LIN28A: variants seen among roughly 807,000 people sequenced by gnomAD.
LIN28A encodes protein lin-28 homolog A.
A neutral mutation model predicts 21.1 loss-of-function variants in LIN28A; 11 were observed. The observed-to-expected ratio is 0.52, with a 90% confidence interval of 0.33 to 0.86. LIN28A has a LOEUF of 0.86. LIN28A is among the 40% of genes least tolerant of loss of function. The pLI is 0.03. For synonymous variants in LIN28A, 111 were observed against 108.7 expected (o/e 1.02, Z -0.13); for missense variants, 219 against 279.8 (o/e 0.78, Z 1.55).
At chr1:26,412,068 C>T (rs1211599838) in intron 2 of LIN28A, among the ~76,000 whole-genome samples, 1 of 152,240 alleles carries the variant, frequency 6.6e-6, no homozygotes, top group Non-Finnish European at 1.5e-5. Context: ...AGCCTCATCC[C>T]CTTTTTAATG....
At chr1:26,414,688 G>A (rs1224064617) in intron 2 of LIN28A, among the ~76,000 whole-genome samples, 2 of 152,154 alleles carry the variant, frequency 1.3e-5, no homozygotes, top group Non-Finnish European at 2.9e-5. Context: ...AGAGTTTCTC[G>A]ACTTCAGCAC....
chr1:26,414,315 A>C (rs2074980932), intron 2 of LIN28A, among the ~76,000 whole-genome samples: 1 of 151,614 alleles, frequency 6.6e-6, no homozygotes, highest in Admixed American at 6.6e-5. Flanking sequence ...GCTGGTGAGA[A>C]GGTAATTGTC....
In LIN28A at chr1:26,427,628, A is replaced by C. The variant is rs1244860963; in HGVS notation, c.*1170A>C. ...AATCCTATGGCACAGGACGTGCTTT[A>C]CATCTCCAGATCTGTTCTTCACCAG... On this transcript the variant is annotated 3_prime_UTR_variant, in exon 4 of 4. Transcript: ENST00000326279. The C allele has an allele frequency of 6.6e-6, 1 of 152,266 alleles. No individual in the cohort carries two copies. The highest frequency in any genetic ancestry group is 1.5e-5 in the Non-Finnish European group (1 of 68,076). 9.4% of individuals were successfully genotyped at this position (152,266 alleles called of 1,614,324 possible). A position where few individuals can be genotyped will look rare whatever the true frequency, so the allele number is the denominator to read the frequency against.
chr1:26,415,723 G>C (rs887524151), intron 2 of LIN28A, among the ~76,000 whole-genome samples: 1 of 148,806 alleles, frequency 6.7e-6, no homozygotes, highest in African/African-American at 2.5e-5. Context: ...GCACAACATA[G>C]CACTATGAAA....
At chr1:26,425,638 A>G (rs35015532) in intron 3 of LIN28A, 151 bp downstream of exon 3, 160,656 of 676,620 alleles carry the variant, frequency 0.24, 21,324 homozygotes, top group Admixed American at 0.38. Flanking sequence ...AGGTGTGGGC[A>G]AGGGCAGTAG....
At chr1:26,422,187 T>A (rs988253512) in intron 2 of LIN28A, among the ~76,000 whole-genome samples, 3 of 151,940 alleles carry the variant, frequency 2.0e-5, no homozygotes, top group Non-Finnish European at 4.4e-5. Flanking sequence ...TTTTGTATTA[T>A]TTTGTAGAGA....
intron 3 of LIN28A, 142 bp downstream of exon 3, chr1:26,425,629 G>C (rs1388905268): frequency 2.7e-6 from 2 of 741,788 alleles, no homozygotes; most frequent in Admixed American, 2.9e-5. Flanking sequence ...GCCTGCAATA[G>C]GTGTGGGCAA....
Position 26,411,256 on chromosome 1 carries a change from T to C in LIN28A, c.32-130T>C, listed in dbSNP as rs996150176. 3 of 911,146 alleles carry C rather than the reference T, an allele frequency of 3.3e-6. No individual in the cohort carries two copies. In the African/African-American group the frequency reaches 5.1e-5, roughly 15 times the overall value. The allele number at this position is 911,146 out of a possible 1,614,324, so 56.4% of individuals were successfully genotyped here. A position where few individuals can be genotyped will look rare whatever the true frequency, so the allele number is the denominator to read the frequency against. On this transcript the variant is annotated intron_variant, in intron 1 of 3. Coordinates refer to ENST00000326279, the MANE Select transcript of LIN28A (RefSeq NM_024674.6). The surrounding 1 kb of genome is among the most constrained non-coding windows in gnomAD (Gnocchi z 5.4). Reference sequence around the variant, plus strand: ...ACCGGGATAGGTTTCTTCTCTTCTGTTGCTTGGTAGCTGCCCCCTCCTGGC... The same window carrying C: ...ACCGGGATAGGTTTCTTCTCTTCTGCTGCTTGGTAGCTGCCCCCTCCTGGC...
At chr1:26,414,046 C>A (rs1036523331) in intron 2 of LIN28A, among the ~76,000 whole-genome samples, 2 of 152,002 alleles carry the variant, frequency 1.3e-5, no homozygotes, top group Non-Finnish European at 2.9e-5. Flanking sequence ...TCAGGCTGGT[C>A]TTGAACTCCT....
Position 26,425,447 on chromosome 1 carries a change from A to C in LIN28A, c.373A>C (p.Lys125Gln), listed in dbSNP as rs1355623794. 3 of 1,614,148 alleles carry C rather than the reference A, an allele frequency of 1.9e-6. No homozygotes were observed. Among genetic ancestry groups the C allele is most frequent in the Non-Finnish European group, 2.5e-6 (3 of 1,180,026 alleles). Reference sequence around the variant, plus strand: ...CTGTATTGGGAGTGAGAGGCGGCCAAAAGGAAAGAGCATGCAGAAGCGCAG... The same window carrying C: ...CTGTATTGGGAGTGAGAGGCGGCCACAAGGAAAGAGCATGCAGAAGCGCAG... ...VFCIGSERRP[K>Q]GKSMQKRRSK... The change falls in exon 3 of 4, where the codon AAA becomes CAA. Residue 125 changes from lysine (K) to glutamine (Q), a missense_variant. By Grantham distance (53) the Lys-to-Gln change is moderately conservative. Around this residue, in one of 3 missense-constraint regions of LIN28A, gnomAD observed 124 missense variants for 193.1 expected, o/e 0.64. Coordinates refer to ENST00000326279, the MANE Select transcript of LIN28A (RefSeq NM_024674.6).
At chr1:26,412,680 G>T (rs2074968158) in intron 2 of LIN28A, among the ~76,000 whole-genome samples, 5 of 152,096 alleles carry the variant, frequency 3.3e-5, no homozygotes, top group Admixed American at 2.6e-4. Context: ...TAGGAGGTGT[G>T]GGGGAGGGGA....
At chr1:26,425,727 A>G (rs2075054921) in intron 3 of LIN28A, among the ~76,000 whole-genome samples, 2 of 152,118 alleles carry the variant, frequency 1.3e-5, no homozygotes, top group Admixed American at 6.6e-5. Context: ...CTCAATTGTT[A>G]AGTGAGGCAG....
chr1:26,419,327 G>A (rs1455170567), intron 2 of LIN28A, among the ~76,000 whole-genome samples: 1 of 152,166 alleles, frequency 6.6e-6, no homozygotes, highest in Admixed American at 6.5e-5. Context: ...GGTACCTGCA[G>A]GGGTGGGGGT....
Position 26,425,497 on chromosome 1 carries a change from G to C in LIN28A, c.413+10G>C. On this transcript the variant is annotated intron_variant, in intron 3 of 3. Coordinates refer to ENST00000326279, the MANE Select transcript of LIN28A (RefSeq NM_024674.6). ...GATCAAAAGGAGACAGGTATGGATTGGAAGGCAGCTTATATAGGTTGCTAA... is the reference window on the plus strand; with the variant it reads ...GATCAAAAGGAGACAGGTATGGATTCGAAGGCAGCTTATATAGGTTGCTAA... 2.5e-6 allele frequency: 4 copies of C among 1,612,758 alleles called. No individual in the cohort carries two copies. Among genetic ancestry groups the C allele is most frequent in the Non-Finnish European group, 3.4e-6 (4 of 1,179,150 alleles).
chr1:26,412,251 G>T (rs1557759974), intron 2 of LIN28A, among the ~76,000 whole-genome samples: 1 of 152,176 alleles, frequency 6.6e-6, no homozygotes, highest in Middle Eastern at 3.4e-3. Flanking sequence ...GAGGGAAGTC[G>T]GTAGGTCGCA....
chr1:26,415,720 A>G (rs560736471), intron 2 of LIN28A, among the ~76,000 whole-genome samples: 1 of 141,070 alleles, frequency 7.1e-6, no homozygotes, highest in East Asian at 2.0e-4. Context: ...TGGGCACAAC[A>G]TAGCACTATG....
chr1:26,419,629 TTA>T (rs2075017099), intron 2 of LIN28A, among the ~76,000 whole-genome samples: 1 of 152,148 alleles, frequency 6.6e-6, no homozygotes, highest in African/African-American at 2.4e-5. Flanking sequence ...CCCTGAGGAT[TTA>T]TGTGTAGCAG....
intron 2 of LIN28A, among the ~76,000 whole-genome samples, chr1:26,413,264 C>T (rs763700888): frequency 7.2e-5 from 11 of 152,106 alleles, no homozygotes; most frequent in Non-Finnish European, 1.3e-4. Context: ...TCAGACCCAA[C>T]GTTTTCTCAT....
intron 2 of LIN28A, among the ~76,000 whole-genome samples, chr1:26,414,720 A>T (rs1482744495): frequency 2.6e-5 from 4 of 152,322 alleles, no homozygotes; most frequent in South Asian, 2.1e-4. Flanking sequence ...TTTGAGCAGG[A>T]TAATTTGTTC....
Sources: allele counts gnomAD v4.1 joint callset (sites outside exome capture counted in the v4.1 genomes callset), GRCh38; gene constraint gnomAD v4.1.1; regional missense constraint gnomAD v4.1.1; non-coding constraint Gnocchi (gnomAD v3.1); transcripts MANE v1.5; gene names NCBI Gene and HGNC (gene_info 2026-07-23, HGNC 2026-07-21).